Variants in POTEE observed in about 807,000 individuals in gnomAD.
POTEE encodes POTE ankyrin domain family member E, also known as ANKRD26-like family C member 1A.
POTEE carries 21 observed loss-of-function variants against 74.2 expected under a neutral mutation model. That is an observed-to-expected ratio of 0.28 (90% confidence interval 0.20 to 0.41). POTEE has a LOEUF of 0.41. POTEE is among the 10% of genes least tolerant of loss of function. The probability of loss-of-function intolerance (pLI) is 1.00; values close to 1 mark genes in which losing one functional copy is unlikely to be tolerated. For synonymous variants in POTEE, 211 were observed against 432.8 expected (o/e 0.49, Z 6.36); for missense variants, 525 against 1,158.6 (o/e 0.45, Z 7.94).
At chr2:131,220,650 T>C (rs951028679) in intron 4 of POTEE, among the ~76,000 whole-genome samples, 1 of 152,002 alleles carries the variant, frequency 6.6e-6, no homozygotes, top group African/African-American at 2.4e-5. Flanking sequence ...TGAAATACTG[T>C]TTTCTATTTA....
Position 131,263,621 on chromosome 2 carries a change from G to A in POTEE, c.2166G>A (p.Ala722=), listed in dbSNP as rs201546860. The change falls in exon 18 of 18, where the codon GCG becomes GCA. Residue 722 remains alanine (A), a synonymous_variant. Transcript: ENST00000683005. ...NGSGMCKAGF[A]GDDAPRAVFP... ...CTGGCATGTGCAAGGCCGGCTTTGC[G>A]GGCGACGATGCCCCCCGGGCTGTCT... is the stretch of plus-strand genomic sequence containing the variant. 2.8e-3 allele frequency: 4,479 copies of A among 1,590,284 alleles called. 4 individuals carry two copies. Among genetic ancestry groups the A allele is most frequent in the Non-Finnish European group, 3.5e-3 (4,097 of 1,168,602 alleles).
intron 2 of POTEE, among the ~76,000 whole-genome samples, chr2:131,215,950 T>C (rs1406022414): frequency 4.0e-5 from 6 of 150,498 alleles, no homozygotes; most frequent in African/African-American, 1.5e-4. Flanking sequence ...TGTCTGTGTT[T>C]TAGACTCCAC....
intron 2 of POTEE, among the ~76,000 whole-genome samples, chr2:131,212,259 A>G (rs1700374353): frequency 6.6e-6 from 1 of 151,952 alleles, no homozygotes; most frequent in Non-Finnish European, 1.5e-5. Flanking sequence ...GTGTTCCATT[A>G]TTGGAATGGT....
chr2:131,235,366 A>G (rs1270094116), intron 9 of POTEE, among the ~76,000 whole-genome samples: 2 of 152,170 alleles, frequency 1.3e-5, no homozygotes, highest in African/African-American at 2.4e-5. Context: ...GTGGAGGAAT[A>G]ATGTAGAGTT....
chr2:131,218,554 A>T lies in POTEE; in HGVS notation c.152A>T (p.Asp51Val), dbSNP rs1323144852. The T allele has an allele frequency of 3.7e-6, 6 of 1,610,792 alleles. No individual in the cohort carries two copies. The East Asian group carries it at 1.3e-4, about 36-fold the overall frequency. ...SNVGTSGDHD[D>V]SAMKTLRSKM... Reference sequence around the variant, plus strand: ...GTGGGCACTTCTGGAGACCACGACGACTCTGCTATGAAGACACTCAGGAGC... The same window carrying T: ...GTGGGCACTTCTGGAGACCACGACGTCTCTGCTATGAAGACACTCAGGAGC... The change falls in exon 4 of 18, where the codon GAC becomes GTC. Residue 51 changes from aspartate (D) to valine (V), a missense_variant. Coordinates refer to ENST00000683005, the MANE Select transcript of POTEE (RefSeq NM_001083538.3).
At chr2:131,232,583 G>T (rs1219532711) in intron 9 of POTEE, among the ~76,000 whole-genome samples, 5 of 147,986 alleles carry the variant, frequency 3.4e-5, no homozygotes, top group East Asian at 1.9e-4. Context: ...GTTTATGATA[G>T]ACTTTTTAAT....
At chr2:131,226,059 A>G (rs1045526618) in intron 6 of POTEE, among the ~76,000 whole-genome samples, 1 of 152,152 alleles carries the variant, frequency 6.6e-6, no homozygotes, top group Non-Finnish European at 1.5e-5. Context: ...TTAAGAGCAG[A>G]GTTTTCTCAA....
chr2:131,216,830 C>T (rs938872335), intron 2 of POTEE, among the ~76,000 whole-genome samples: 4 of 151,578 alleles, frequency 2.6e-5, no homozygotes, highest in African/African-American at 7.3e-5. Context: ...ATTCCACTTA[C>T]ATGAAATGTC....
chr2:131,217,884 C>T (rs1246662393), intron 3 of POTEE, among the ~76,000 whole-genome samples: 6 of 148,378 alleles, frequency 4.0e-5, no homozygotes, highest in Non-Finnish European at 7.5e-5. Flanking sequence ...TGCACGCGCA[C>T]GCCGCACGCG....
rs907038743 is a variant in POTEE, at chr2:131,225,737, G to C, written c.811-1086G>C. 1.9e-4 allele frequency among the ~76,000 whole-genome samples: 28 copies of C among 148,756 alleles called. 1 individual carries two copies. The highest frequency in any genetic ancestry group is 4.5e-5 in the Non-Finnish European group (3 of 67,322). On this transcript the variant is annotated intron_variant, in intron 6 of 17. Coordinates refer to ENST00000683005, the MANE Select transcript of POTEE (RefSeq NM_001083538.3). ...ATGAGGTTTTTGCCATGTTTCTCAGGCTGGTCTTGAACTCCTGGGCTCAAG... is the reference window on the plus strand; with the variant it reads ...ATGAGGTTTTTGCCATGTTTCTCAGCCTGGTCTTGAACTCCTGGGCTCAAG...
intron 1 of POTEE, among the ~76,000 whole-genome samples, chr2:131,210,275 T>A: frequency 2.8e-5 from 2 of 71,834 alleles, no homozygotes; most frequent in Admixed American, 2.1e-4. Context: ...CAGCAACACC[T>A]GTGGCTGGGT....
chr2:131,231,808 G>A (rs1229798268), intron 9 of POTEE, among the ~76,000 whole-genome samples: 4 of 152,272 alleles, frequency 2.6e-5, no homozygotes, highest in Non-Finnish European at 4.4e-5. Flanking sequence ...TAACAAAAAC[G>A]CTAGTATGCT....
intron 2 of POTEE, among the ~76,000 whole-genome samples, chr2:131,213,304 CTT>C (rs1700393411): frequency 6.6e-6 from 1 of 151,174 alleles, no homozygotes; most frequent in Admixed American, 6.6e-5. Context: ...GTCGAGCCCT[CTT>C]TTATTCCTAG....
At chr2:131,230,980 A>C in intron 9 of POTEE, 74 bp downstream of exon 9, 1 of 1,474,064 alleles carries the variant, frequency 6.8e-7, no homozygotes, top group South Asian at 1.3e-5. Context: ...GGTTTTGTGG[A>C]AGACAATTTT....
At chr2:131,237,568 T>G (rs1437579553) in intron 10 of POTEE, among the ~76,000 whole-genome samples, 1 of 151,572 alleles carries the variant, frequency 6.6e-6, no homozygotes, top group African/African-American at 2.4e-5. Flanking sequence ...TTAGTACACA[T>G]TAGAATATAT....
chr2:131,235,917 T>A (rs1701118624), intron 9 of POTEE, among the ~76,000 whole-genome samples: 1 of 151,670 alleles, frequency 6.6e-6, no homozygotes, highest in African/African-American at 2.4e-5. Context: ...ATTTTTGAAA[T>A]CATTTGTAAG....
intron 6 of POTEE, 36 bp from the exon 7 acceptor site, chr2:131,226,787 G>C: frequency 6.2e-7 from 1 of 1,609,616 alleles, no homozygotes; most frequent in South Asian, 1.1e-5. Flanking sequence ...GTACTTTTTT[G>C]AATTACATAG....
At chr2:131,235,792 C>CAAAAAAAAAAAAAA in intron 9 of POTEE, among the ~76,000 whole-genome samples, 1 of 79,140 alleles carries the variant, frequency 1.3e-5, no homozygotes, top group Non-Finnish European at 2.2e-5. Flanking sequence ...GACCCTGGCT[C>CAAAAAAAAAAAAAA]AAAAAAAAAA....
intron 9 of POTEE, among the ~76,000 whole-genome samples, chr2:131,236,264 G>C (rs1327513284): frequency 6.6e-6 from 1 of 152,094 alleles, no homozygotes; most frequent in African/African-American, 2.4e-5. Context: ...CTTGCTCTGG[G>C]ATGTCTGGAG....
Sources: gnomAD v4.1 joint callset for allele counts (sites outside exome capture counted in the v4.1 genomes callset) on GRCh38, gnomAD v4.1.1 for gene constraint, MANE v1.5 for transcripts, NCBI Gene and HGNC (gene_info 2026-07-23, HGNC 2026-07-21) for gene names.